Variants in RAP1GAP2 observed in about 807,000 individuals in gnomAD.
RAP1GAP2 encodes rap1 GTPase-activating protein 2.
Under a neutral mutation model 95.0 loss-of-function variants are expected in RAP1GAP2, and 27 were observed. That is an observed-to-expected ratio of 0.28 (90% CI 0.21 to 0.39). RAP1GAP2 has a LOEUF of 0.39. Among genes scored for constraint, RAP1GAP2 ranks in the 10% least tolerant of loss-of-function variants. The probability of loss-of-function intolerance (pLI) is 1.00; values close to 1 mark genes in which losing one functional copy is unlikely to be tolerated. For synonymous variants in RAP1GAP2, 373 were observed against 380.9 expected, an observed-to-expected ratio of 0.98 and a Z score of 0.24; for missense variants, 771 against 970.0, an observed-to-expected ratio of 0.79 and a Z score of 2.72.
chr17:2,836,696 G>A (rs577396578), intron 2 of RAP1GAP2, among the ~76,000 whole-genome samples: 12 of 152,222 alleles, frequency 7.9e-5, no homozygotes, highest in Non-Finnish European at 1.3e-4. Flanking sequence ...CTAGATCCAG[G>A]TGGGTGAGAC....
At chr17:2,813,996 T>C (rs1219549654) in intron 2 of RAP1GAP2, among the ~76,000 whole-genome samples, 1 of 151,870 alleles carries the variant, frequency 6.6e-6, no homozygotes, top group African/African-American at 2.4e-5. Context: ...AAAAAGAAAA[T>C]GTCTCCAGAC....
chr17:2,937,105 G>A lies in RAP1GAP2; in HGVS notation c.166-20654G>A, dbSNP rs374342484. Among the ~76,000 whole-genome samples the A allele has an allele frequency of 4.7e-4, 71 of 152,304 alleles. 2 individuals are homozygous for A. The South Asian group carries it at 0.014, about 31-fold the overall frequency. Reference sequence around the variant, plus strand: ...ACCACCTTGGGACAGGGAGGAGGGTGCAGACCAAGAGGGCTTCCTGGAGGA... The same window carrying A: ...ACCACCTTGGGACAGGGAGGAGGGTACAGACCAAGAGGGCTTCCTGGAGGA... On this transcript the variant is annotated intron_variant, in intron 3 of 24. Coordinates refer to ENST00000254695, the MANE Select transcript of RAP1GAP2 (RefSeq NM_015085.5).
chr17:2,874,415 T>C (rs1407596465), intron 2 of RAP1GAP2, among the ~76,000 whole-genome samples: 1 of 152,180 alleles, frequency 6.6e-6, no homozygotes, highest in Non-Finnish European at 1.5e-5. Context: ...TTTTAGGTCC[T>C]CCTCACCTGA....
At chr17:2,876,346 T>G (rs560142426) in intron 2 of RAP1GAP2, among the ~76,000 whole-genome samples, 1 of 152,292 alleles carries the variant, frequency 6.6e-6, no homozygotes, top group East Asian at 1.9e-4. Context: ...CGAGAACAAG[T>G]GCCCAAGGTG....
At chr17:2,922,029 T>C (rs2151768218) in intron 3 of RAP1GAP2, among the ~76,000 whole-genome samples, 1 of 152,366 alleles carries the variant, frequency 6.6e-6, no homozygotes, top group Middle Eastern at 3.4e-3. Context: ...GTTATCTCAG[T>C]CTGTTCCAAC....
intron 3 of RAP1GAP2, among the ~76,000 whole-genome samples, chr17:2,907,290 G>A (rs540269853): frequency 1.2e-4 from 18 of 152,232 alleles, no homozygotes; most frequent in African/African-American, 3.6e-4. Flanking sequence ...GGGAAATGGC[G>A]GTGGTACCAT....
chr17:2,969,675 T>C (rs1421939852), intron 8 of RAP1GAP2, among the ~76,000 whole-genome samples: 1 of 151,758 alleles, frequency 6.6e-6, no homozygotes, highest in Non-Finnish European at 1.5e-5. Context: ...CTAATTTTTT[T>C]GTATTTTCAG....
At chr17:3,030,774 C>T in intron 22 of RAP1GAP2, 148 bp from the exon 23 acceptor site, 1 of 668,562 alleles carries the variant, frequency 1.5e-6, no homozygotes, top group East Asian at 2.8e-5. Flanking sequence ...GGAGTTGGCT[C>T]TCGTGGGTCG....
intron 3 of RAP1GAP2, among the ~76,000 whole-genome samples, chr17:2,927,378 C>T (rs566348757): frequency 3.3e-5 from 5 of 152,252 alleles, no homozygotes; most frequent in South Asian, 2.1e-4. Context: ...TGGTCTCGAT[C>T]TCCTGACCTC....
At chr17:2,912,297 G>A (rs545045326) in intron 3 of RAP1GAP2, among the ~76,000 whole-genome samples, 1 of 151,782 alleles carries the variant, frequency 6.6e-6, no homozygotes, top group Non-Finnish European at 1.5e-5. Flanking sequence ...CTGGGGTTGG[G>A]GGGTGGTGTG....
intron 1 of RAP1GAP2, among the ~76,000 whole-genome samples, chr17:2,759,950 A>G (rs1293909509): frequency 1.3e-5 from 2 of 152,270 alleles, no homozygotes; most frequent in African/African-American, 2.4e-5. Flanking sequence ...AGATATTGCC[A>G]ACCTGACCTC....
At position 2,965,603 on chromosome 17, in the gene RAP1GAP2, G is replaced by T; in HGVS notation, c.556G>T (p.Glu186Ter). The T allele has an allele frequency of 6.2e-7, 1 of 1,612,414 alleles. No individual in the cohort carries two copies. The highest frequency in any genetic ancestry group is 1.7e-5 in the Admixed American group (1 of 59,830). Residue 186 changes from glutamate (E) to a stop codon, truncating the protein, a stop_gained, in exon 8 of 25, where the codon GAG (glutamate) becomes TAG (stop). Coordinates refer to ENST00000254695, the MANE Select transcript of RAP1GAP2 (RefSeq NM_015085.5). LOFTEE classifies it high-confidence loss of function. This position sits in a 1 kb window ranked among gnomAD's most constrained non-coding sequence, Gnocchi z 4.7. Reference protein sequence around the residue: ...LGNLILSVKCEEAEGIEYLRV... With the variant: ...LGNLILSVKC ...GAACTTGATCCTGTCCGTCAAGTGC[G>T]AGGAAGCAGAGGGGATCGAGTACCT...
chr17:2,896,987 C>T (rs2041851176), intron 2 of RAP1GAP2, among the ~76,000 whole-genome samples: 1 of 152,162 alleles, frequency 6.6e-6, no homozygotes, highest in African/African-American at 2.4e-5. Context: ...GACCAGTAGC[C>T]CCCTTTGACC....
chr17:2,793,641 G>C (rs550971626), upstream of RAP1GAP2, among the ~76,000 whole-genome samples: 2 of 152,364 alleles, frequency 1.3e-5, no homozygotes, highest in South Asian at 2.1e-4. Flanking sequence ...TTGTTCACTT[G>C]TCAAGCTCTT....
intron 2 of RAP1GAP2, among the ~76,000 whole-genome samples, chr17:2,845,706 C>G (rs2071554870): frequency 6.6e-6 from 1 of 150,952 alleles, no homozygotes; most frequent in Admixed American, 6.6e-5. Flanking sequence ...ACTCAAAATA[C>G]AAAAATTAGT....
rs544703565 is a variant in RAP1GAP2 at position 2,826,937 on chromosome 17, G to A, written c.80+26387G>A. Among the ~76,000 whole-genome samples the A allele has an allele frequency of 9.9e-5, 15 of 152,228 alleles. No homozygotes were observed. In the East Asian group the frequency reaches 2.9e-3, roughly 29 times the overall value. ...AAGAGAATCGCTTGAACCTGGGAAT[G>A]GGAGGTTGCAGTGAGCCGAGATGAC... On this transcript the variant is annotated intron_variant, in intron 2 of 24. Coordinates refer to ENST00000254695, the MANE Select transcript of RAP1GAP2 (RefSeq NM_015085.5).
intron 3 of RAP1GAP2, among the ~76,000 whole-genome samples, chr17:2,913,504 C>G (rs1242233126): frequency 3.9e-5 from 6 of 152,002 alleles, no homozygotes; most frequent in South Asian, 4.1e-4. Flanking sequence ...GGTCAGGCTG[C>G]TCTCAAACTC....
At chr17:2,821,373 C>CT (rs10566772) in intron 2 of RAP1GAP2, among the ~76,000 whole-genome samples, 1,520 of 118,522 alleles carry the variant, frequency 0.013, 28 homozygotes, top group East Asian at 0.029. Flanking sequence ...TTCTTTACAC[C>CT]TTTTTTTTTT....
At position 2,965,401 on chromosome 17, in the gene RAP1GAP2, T is replaced by C; in HGVS notation, c.493-139T>C. On this transcript the variant is annotated intron_variant, in intron 7 of 24. Transcript: ENST00000254695. This position sits in a 1 kb window ranked among gnomAD's most constrained non-coding sequence, Gnocchi z 4.7. ...GGATCCGGCCGTCGGTACCTGTTAA[T>C]GTCGTTGTCATTGTCATCAGTAGCA... The C allele has an allele frequency of 1.5e-6, 1 of 687,532 alleles. No homozygotes were observed. Among genetic ancestry groups the C allele is most frequent in the East Asian group, 2.7e-5 (1 of 36,810 alleles). 42.6% of individuals were successfully genotyped at this position (687,532 alleles called of 1,614,324 possible). A position where few individuals can be genotyped will look rare whatever the true frequency, so the allele number is the denominator to read the frequency against.
Sources: gnomAD v4.1 joint callset for allele counts (sites outside exome capture counted in the v4.1 genomes callset) on GRCh38, gnomAD v4.1.1 for gene constraint, Gnocchi (gnomAD v3.1) non-coding constraint, MANE v1.5 for transcripts, NCBI Gene and HGNC (gene_info 2026-07-23, HGNC 2026-07-21) for gene names.